Variants in ACIN1 observed in about 807,000 individuals in gnomAD.
ACIN1 encodes apoptotic chromatin condensation inducer 1, also known as apoptotic chromatin condensation inducer in the nucleus.
A neutral mutation model predicts 146.6 loss-of-function variants in ACIN1; 16 were observed. The ratio of observed to expected loss-of-function variants is 0.11; its 90% CI spans 0.07 to 0.17. The LOEUF is 0.17. Among genes scored for constraint, ACIN1 ranks in the 10% least tolerant of loss-of-function variants. The probability of loss-of-function intolerance (pLI) is 1.00; values close to 1 mark genes in which losing one functional copy is unlikely to be tolerated. For synonymous variants in ACIN1, 569 were observed against 582.7 expected, an observed-to-expected ratio of 0.98 and a Z score of 0.34; for missense variants, 1,357 against 1,609.3, an observed-to-expected ratio of 0.84 and a Z score of 2.68.
rs2047900020 is a variant in ACIN1, at chr14:23,079,958, A to G, written c.1377T>C (p.Asp459=). The change falls in exon 6 of 19, where the codon GAT becomes GAC. Residue 459 remains aspartate, a synonymous_variant. Coordinates refer to ENST00000605057, the MANE Select transcript of ACIN1 (RefSeq NM_001386863.1). The stretch of plus-strand genomic sequence containing the variant: ...CAGATCTGTCTGACTCAGGTTCAAG[A>G]TCCTTCTGGGCTGAGTAGTCAGCCA... ...STLADYSAQK[D]LEPESDRSAQ... 6.2e-7 allele frequency: 1 copy of G among 1,613,916 alleles called. No individual in the cohort carries two copies. Among genetic ancestry groups the G allele is most frequent in the Non-Finnish European group, 8.5e-7 (1 of 1,180,012 alleles).
In ACIN1 at chr14:23,059,156, G is replaced by A; in HGVS notation, c.3844C>T (p.Arg1282Cys). ...CTCTAGTGTTTTCCCAGCTAGCGGCGCCCACCCCGGTCCCGCACAGGTGTG... is the reference window on the plus strand; with the variant it reads ...CTCTAGTGTTTTCCCAGCTAGCGGCACCCACCCCGGTCCCGCACAGGTGTG... ...RSTPVRDRGG[R>C]R Residue 1282 changes from arginine (R) to cysteine (C), a missense_variant, in exon 19 of 19, where the codon CGC becomes TGC. Physicochemically the swap from Arg to Cys is radical, Grantham distance 180. Around this residue, in one of 4 missense-constraint regions of ACIN1, gnomAD observed 509 missense variants for 719.6 expected, o/e 0.71. Transcript: ENST00000605057. 3 of 1,613,174 alleles carry A rather than the reference G, an allele frequency of 1.9e-6. No homozygotes were observed. Among genetic ancestry groups the A allele is most frequent in the East Asian group, 2.2e-5 (1 of 44,840 alleles).
In ACIN1 at chr14:23,080,352, G is replaced by C. The variant is rs145311319; in HGVS notation, c.983C>G (p.Ser328Cys). 2.1e-5 allele frequency: 34 copies of C among 1,614,078 alleles called. No homozygotes were observed. The South Asian group carries it at 3.2e-4, about 15-fold the overall frequency. Reference protein sequence around the residue: ...SSQGLKEKSKSPSPPRLTEDR... With the variant: ...SSQGLKEKSKCPSPPRLTEDR... The stretch of plus-strand genomic sequence containing the variant: ...TTCAGTCAGTCGAGGAGGGGAAGGA[G>C]ACTTCGATTTTTCCTTTAAGCCTTG... The change falls in exon 6 of 19, where the codon TCT (serine) becomes TGT (cysteine). Residue 328 changes from serine to cysteine, a missense_variant. Coordinates refer to ENST00000605057, the MANE Select transcript of ACIN1 (RefSeq NM_001386863.1).
At position 23,068,869 on chromosome 14, in the gene ACIN1, T is replaced by C. The variant is rs1331892093; in HGVS notation, c.2265+607A>G. The C allele has an allele frequency of 1.0e-6, 1 of 985,304 alleles. No individual in the cohort carries two copies. The highest frequency in any genetic ancestry group is 1.2e-6 in the Non-Finnish European group (1 of 829,946). 61.0% of individuals were successfully genotyped at this position (985,304 alleles called of 1,614,324 possible). ...ACTTTAAGAGCCAAGAAGACTTCGC[T>C]GGCTCTGATGGGGGAAGCCCCCTGA... On this transcript the variant is annotated intron_variant, in intron 9 of 18. Transcript: ENST00000605057. The surrounding 1 kb of genome is among the most constrained non-coding windows in gnomAD (Gnocchi z 4.3).
rs757833529 is a variant in ACIN1 at position 23,078,142 on chromosome 14, A to G, written c.2123+9T>C. 2.5e-6 allele frequency: 4 copies of G among 1,613,388 alleles called. No individual in the cohort carries two copies. In the African/African-American group the frequency reaches 5.3e-5, roughly 22 times the overall value. ...CCCTGTTATACCCCGGTCGAGATAT[A>G]TCACTTACACAGTGTGATGAATTCT... On this transcript the variant is annotated intron_variant, in intron 8 of 18. Coordinates refer to ENST00000605057, the MANE Select transcript of ACIN1 (RefSeq NM_001386863.1).
At position 23,088,031 on chromosome 14, in the gene ACIN1, T is replaced by C. The variant is rs181886496; in HGVS notation, c.436+1951A>G. On this transcript the variant is annotated intron_variant, in intron 4 of 18. Coordinates refer to ENST00000605057, the MANE Select transcript of ACIN1 (RefSeq NM_001386863.1). ...CTTTTGGTTCCCTATGTCTGTATCA[T>C]TGTCACATACTATCTTCTGTTGTTC... Among the ~76,000 whole-genome samples, 650 of 152,336 alleles carry C rather than the reference T, an allele frequency of 4.3e-3. 23 individuals carry two copies. Among genetic ancestry groups the C allele is most frequent in the Non-Finnish European group, 1.7e-3 (113 of 68,038 alleles).
chr14:23,061,052 C>T (rs758411192), intron 18 of ACIN1, 32 bp downstream of exon 18: 1 of 1,601,624 alleles, frequency 6.2e-7, no homozygotes, highest in African/African-American at 1.3e-5. Flanking sequence ...CTCAGTGCCA[C>T]TAGGGAGCAG....
At position 23,067,576 on chromosome 14, in the gene ACIN1, C is replaced by G. The variant is rs1043663051; in HGVS notation, c.2266-1568G>C. The stretch of plus-strand genomic sequence containing the variant: ...AGACAGTTCACTGGCGGTGGCCAGG[C>G]TCAGCGAGGGATAGAGGGGGGAAAG... On this transcript the variant is annotated intron_variant, in intron 9 of 18. Coordinates refer to ENST00000605057, the MANE Select transcript of ACIN1 (RefSeq NM_001386863.1). The surrounding 1 kb of genome is among the most constrained non-coding windows in gnomAD (Gnocchi z 4.6). 3.0e-6 allele frequency: 3 copies of G among 985,740 alleles called. No homozygotes were observed. In the South Asian group the frequency reaches 1.4e-4, roughly 46 times the overall value. The allele number at this position is 985,740 out of a possible 1,614,324, so 61.1% of individuals were successfully genotyped here. A position where few individuals can be genotyped will look rare whatever the true frequency, so the allele number is the denominator to read the frequency against.
In ACIN1 at chr14:23,064,219, C is replaced by T. The variant is rs1353136445; in HGVS notation, c.2481G>A (p.Glu827=). The T allele has an allele frequency of 1.2e-6, 2 of 1,614,168 alleles. No homozygotes were observed. Among genetic ancestry groups the T allele is most frequent in the Admixed American group, 1.7e-5 (1 of 60,038 alleles). ...CATCAGCATGAAGATCCACAACAGC[C>T]TCCTGCCCCGCCAGGGGTTTGATGT... The part of the protein sequence containing the change: ...IPDIKPLAGQ[E]AVVDLHADDS... The change falls in exon 12 of 19, where the codon GAG becomes GAA. Residue 827 remains glutamate, a synonymous_variant. Transcript: ENST00000605057.
chr14:23,063,405 C>T lies in ACIN1; in HGVS notation c.2737+31G>A, dbSNP rs374638584. On this transcript the variant is annotated intron_variant, in intron 13 of 18. Transcript: ENST00000605057. Reference sequence around the variant, plus strand: ...GGTGCTCTGAGAATTCAGGGAGCCGCATTACATTTCTCTCACAATATGTCA... The same window carrying T: ...GGTGCTCTGAGAATTCAGGGAGCCGTATTACATTTCTCTCACAATATGTCA... 63 of 1,605,858 alleles carry T rather than the reference C, an allele frequency of 3.9e-5. No individual in the cohort carries two copies. In the African/African-American group the frequency reaches 5.3e-4, roughly 14 times the overall value.
chr14:23,068,743 G>C lies in ACIN1; in HGVS notation c.2265+733C>G. 1.0e-6 allele frequency: 1 copy of C among 985,382 alleles called. No homozygotes were observed. The allele number at this position is 985,382 out of a possible 1,614,324, so 61.0% of individuals were successfully genotyped here. A position where few individuals can be genotyped will look rare whatever the true frequency, so the allele number is the denominator to read the frequency against. Reference sequence around the variant, plus strand: ...TTCTGCACATCAAATCACTTTCACCGGCCCCCACCCCCGCAACACACACCA... The same window carrying C: ...TTCTGCACATCAAATCACTTTCACCCGCCCCCACCCCCGCAACACACACCA... On this transcript the variant is annotated intron_variant, in intron 9 of 18. Transcript: ENST00000605057. The surrounding 1 kb of genome is among the most constrained non-coding windows in gnomAD (Gnocchi z 4.3).
At chr14:23,069,715 C>T (rs765626064) in intron 8 of ACIN1, 98 bp from the exon 9 acceptor site, 2 of 1,164,552 alleles carry the variant, frequency 1.7e-6, no homozygotes, top group Non-Finnish European at 1.2e-6. Context: ...AACCCTCCTG[C>T]CTCATCACTT....
At position 23,079,583 on chromosome 14, in the gene ACIN1, A is replaced by ACGTGAC. The variant is rs55838227; in HGVS notation, c.1746_1751dup (p.Arg588_Ser589dup). On this transcript the variant is annotated inframe_insertion, in exon 6 of 19. Coordinates refer to ENST00000605057, the MANE Select transcript of ACIN1 (RefSeq NM_001386863.1). Reference sequence around the variant, plus strand: ...TGCTTGATGCTGAACGAGAACGTGAACGTGACCTTGATCTGGACTCTGATG... The same window carrying ACGTGAC: ...TGCTTGATGCTGAACGAGAACGTGAACGTGACCGTGACCTTGATCTGGACTCTGATG... 1 of 1,613,828 alleles carries ACGTGAC rather than the reference A, an allele frequency of 6.2e-7. No individual in the cohort carries two copies. Among genetic ancestry groups the ACGTGAC allele is most frequent in the East Asian group, 2.2e-5 (1 of 44,878 alleles).
intron 12 of ACIN1, 124 bp from the exon 13 acceptor site, chr14:23,063,701 C>T (rs1433939797): frequency 3.5e-6 from 4 of 1,142,256 alleles, no homozygotes; most frequent in Middle Eastern, 2.4e-4. Flanking sequence ...AGGGGTATTT[C>T]GTTATCGGCT....
chr14:23,079,876 C>G lies in ACIN1; in HGVS notation c.1459G>C (p.Glu487Gln). 6.2e-7 allele frequency: 1 copy of G among 1,614,210 alleles called. No individual in the cohort carries two copies. The highest frequency in any genetic ancestry group is 1.1e-5 in the South Asian group (1 of 91,090). ...ELALAKGITE[E>Q]CLKQPSLEQK... ...TCCAAAGATGGCTGTTTCAGACATT[C>G]TTCAGTGATTCCTTTGGCCAGTGCT... Residue 487 changes from glutamate to glutamine, a missense_variant, in exon 6 of 19, where the codon GAA becomes CAA. By Grantham distance (29) the Glu-to-Gln change is conservative (BLOSUM62 2). Around this residue, in one of 4 missense-constraint regions of ACIN1, gnomAD observed 771 missense variants for 746.6 expected, o/e 1.03. Transcript: ENST00000605057.
At chr14:23,073,830 T>C (rs2047728048) in intron 8 of ACIN1, among the ~76,000 whole-genome samples, 1 of 151,416 alleles carries the variant, frequency 6.6e-6, no homozygotes, top group Admixed American at 6.6e-5. Context: ...ATTTTGTTAT[T>C]GAAAATTCCT....
chr14:23,070,548 G>A (rs898348835), intron 8 of ACIN1, among the ~76,000 whole-genome samples: 2 of 151,904 alleles, frequency 1.3e-5, no homozygotes, highest in African/African-American at 2.4e-5. Context: ...TTCAGGCAAA[G>A]AATCCCAGAG....
chr14:23,063,625 G>C (rs778976779), intron 12 of ACIN1, 48 bp from the exon 13 acceptor site: 8 of 1,608,860 alleles, frequency 5.0e-6, no homozygotes, highest in Middle Eastern at 1.7e-4. Context: ...CACCAAACTG[G>C]CATATTCTTT....
At chr14:23,084,904 G>C (rs527668920) in intron 4 of ACIN1, among the ~76,000 whole-genome samples, 1 of 152,216 alleles carries the variant, frequency 6.6e-6, no homozygotes, top group South Asian at 2.1e-4. Flanking sequence ...TCTGAAATAG[G>C]CTAAGTTATA....
At chr14:23,071,202 TAAC>T in intron 8 of ACIN1, 1 of 1,518,230 alleles carries the variant, frequency 6.6e-7, no homozygotes, top group Non-Finnish European at 8.8e-7. Context: ...ATGGAAGAAA[TAAC>T]AAAAACCAAA....
Sources: gnomAD v4.1 joint callset for allele counts (sites outside exome capture counted in the v4.1 genomes callset) on GRCh38, gnomAD v4.1.1 for gene constraint, gnomAD v4.1.1 regional missense constraint, Gnocchi (gnomAD v3.1) non-coding constraint, MANE v1.5 for transcripts, NCBI Gene and HGNC (gene_info 2026-07-23, HGNC 2026-07-21) for gene names.